POLR2F: variants seen among roughly 807,000 people sequenced by gnomAD.
POLR2F encodes the protein RNA polymerase II, I and III subunit F.
Under a neutral mutation model 22.7 loss-of-function variants are expected in POLR2F, and 12 were observed. That is an observed-to-expected ratio of 0.53 (90% CI 0.34 to 0.86). POLR2F has a LOEUF of 0.86. Ranked by LOEUF, POLR2F falls within the 40% of genes least tolerant of loss-of-function variation. POLR2F has a pLI of 0.02. For synonymous variants in POLR2F, 57 were observed against 66.0 expected, an observed-to-expected ratio of 0.86 and a Z score of 0.66; for missense variants, 126 against 171.5, an observed-to-expected ratio of 0.73 and a Z score of 1.48.
At chr22:37,986,190 GC>G (rs757750694), upstream of POLR2F, 21 of 1,542,666 alleles carry the variant, frequency 1.4e-5, no homozygotes, top group South Asian at 2.5e-4. This position sits in a 1 kb window ranked among gnomAD's most constrained non-coding sequence, Gnocchi z 4.7. Context: ...GAGAGGAGCC[GC>G]CCTGGATGGA....
At chr22:37,999,483 C>T (rs1167235843) in intron 1 of POLR2F, among the ~76,000 whole-genome samples, 2 of 152,100 alleles carry the variant, frequency 1.3e-5, no homozygotes, top group South Asian at 2.1e-4. Context: ...AAGGCCTTGG[C>T]GAGGCTCCAG....
chr22:37,979,683 G>A (rs2145771481), intron 4 of POLR2F, among the ~76,000 whole-genome samples: 2 of 152,228 alleles, frequency 1.3e-5, no homozygotes, highest in African/African-American at 4.8e-5. Context: ...TGAAGCCAGC[G>A]CCCTTGCCAC....
intron 1 of POLR2F, among the ~76,000 whole-genome samples, chr22:37,956,247 C>T (rs1158649009): frequency 6.6e-6 from 1 of 151,588 alleles, no homozygotes; most frequent in Admixed American, 6.6e-5. Context: ...GTGCCACCAC[C>T]ACTCCCGGCT....
chr22:37,956,003 A>G (rs1230609989), intron 1 of POLR2F, among the ~76,000 whole-genome samples: 1 of 151,882 alleles, frequency 6.6e-6, no homozygotes, highest in Non-Finnish European at 1.5e-5. Context: ...TATTAAGTAA[A>G]TATTTATTGA....
chr22:38,019,242 C>T (rs1012403766), intron 1 of POLR2F, among the ~76,000 whole-genome samples: 4 of 152,002 alleles, frequency 2.6e-5, no homozygotes, highest in African/African-American at 9.7e-5. Context: ...AGATGACACC[C>T]TCCACATCCC....
upstream of POLR2F, chr22:37,983,243 AAGG>A: frequency 8.0e-7 from 1 of 1,257,492 alleles, no homozygotes; most frequent in Non-Finnish European, 1.1e-6. The surrounding 1 kb of genome is among the most constrained non-coding windows in gnomAD (Gnocchi z 9.5). Context: ...AGCCCTATCC[AAGG>A]AGGACTGCCA....
chr22:38,037,439 ATTTTTT>A (rs10624395), intron 5 of POLR2F, among the ~76,000 whole-genome samples: 1 of 124,206 alleles, frequency 8.1e-6, no homozygotes, highest in Non-Finnish European at 1.6e-5. Flanking sequence ...ATGCTCGGCT[ATTTTTT>A]TTTTTTTTTT....
At position 37,968,998 on chromosome 22, in the gene POLR2F, G is replaced by A. The variant is rs777171484; in HGVS notation, c.*1283G>A. 62 of 985,334 alleles carry A rather than the reference G, an allele frequency of 6.3e-5. No individual in the cohort carries two copies. The highest frequency in any genetic ancestry group is 7.0e-5 in the Non-Finnish European group (58 of 829,946). 61.0% of individuals were successfully genotyped at this position (985,334 alleles called of 1,614,324 possible). ...GCTGAAATTTCAGCTCTGAAATGCC[G>A]CCTTTGTGCTGGCATCCAGGCAGCC... is the stretch of plus-strand genomic sequence containing the variant. On this transcript the variant is annotated 3_prime_UTR_variant, in exon 5 of 5. Transcript: ENST00000442738.
chr22:37,969,859 C>T (rs1931992468), downstream of POLR2F, among the ~76,000 whole-genome samples: 1 of 151,976 alleles, frequency 6.6e-6, no homozygotes, highest in Admixed American at 6.6e-5. Flanking sequence ...GTTACTGGTC[C>T]AGTAGGTTGA....
chr22:38,008,619 C>G (rs1443271550), intron 1 of POLR2F, among the ~76,000 whole-genome samples: 5 of 151,540 alleles, frequency 3.3e-5, no homozygotes, highest in African/African-American at 1.2e-4. Context: ...GGCCTGTACT[C>G]CCAGCACTTT....
At chr22:38,010,412 GAGAC>G (rs1213300429) in intron 1 of POLR2F, among the ~76,000 whole-genome samples, 1 of 151,504 alleles carries the variant, frequency 6.6e-6, no homozygotes, top group Non-Finnish European at 1.5e-5. Context: ...GAGAGAGAGA[GAGAC>G]AGAGAGAGAG....
rs10624395 is a variant in POLR2F at position 38,037,439 on chromosome 22, A to ATTTT, written c.453-3616_453-3613dup. 2.9e-4 allele frequency among the ~76,000 whole-genome samples: 36 copies of ATTTT among 124,178 alleles called. 2 individuals are homozygous for ATTTT. Among genetic ancestry groups the ATTTT allele is most frequent in the African/African-American group, 9.0e-4 (28 of 30,976 alleles). The allele number at this position is 124,178 out of a possible 152,430, so 81.5% of individuals were successfully genotyped here. A position where few individuals can be genotyped will look rare whatever the true frequency, so the allele number is the denominator to read the frequency against. ...CAGGTGCACACCACCATGCTCGGCT[A>ATTTT]TTTTTTTTTTTTTTTTGTAGAGATG... On this transcript the variant is annotated intron_variant, in intron 5 of 5. Transcript: ENST00000407936.
intron 1 of POLR2F, among the ~76,000 whole-genome samples, chr22:37,996,961 C>A (rs965984568): frequency 2.0e-5 from 3 of 152,130 alleles, no homozygotes; most frequent in African/African-American, 4.8e-5. Context: ...GAAACTCCCA[C>A]CCCTAGGGCA....
chr22:38,016,402 C>G lies in POLR2F; in HGVS notation c.121-9467C>G, dbSNP rs531842371. Among the ~76,000 whole-genome samples the G allele has an allele frequency of 6.6e-6, 1 of 152,356 alleles. No individual in the cohort carries two copies. Among genetic ancestry groups the G allele is most frequent in the East Asian group, 1.9e-4 (1 of 5,182 alleles). On this transcript the variant is annotated intron_variant, in intron 1 of 2. Transcript: ENST00000333418. This position sits in a 1 kb window ranked among gnomAD's most constrained non-coding sequence, Gnocchi z 4.4. ...ATGCTCCAGGAAGTGCTGCGCTTGA[C>G]ACACGCCCCCATCCGCCACCTCCCA... is the stretch of plus-strand genomic sequence containing the variant.
At chr22:38,011,089 A>G (rs2145809807) in intron 1 of POLR2F, among the ~76,000 whole-genome samples, 1 of 151,782 alleles carries the variant, frequency 6.6e-6, no homozygotes, top group Admixed American at 6.6e-5. Flanking sequence ...TATATTTAAC[A>G]TTTGGGGCTA....
rs953543719 is a variant in POLR2F at position 38,017,982 on chromosome 22, G to A, written c.121-7887G>A. ...GAGGCTATAATGTGGGCCCTATAAC[G>A]TGGCCATAAGGTGGAACGTTATCCA... is the stretch of plus-strand genomic sequence containing the variant. On this transcript the variant is annotated intron_variant, in intron 1 of 2. Transcript: ENST00000333418. This position sits in a 1 kb window ranked among gnomAD's most constrained non-coding sequence, Gnocchi z 4.1. 3.3e-5 allele frequency among the ~76,000 whole-genome samples: 5 copies of A among 152,202 alleles called. No homozygotes were observed. The highest frequency in any genetic ancestry group is 9.7e-5 in the African/African-American group (4 of 41,446).
At chr22:37,990,504 C>G (rs1450815102) in intron 1 of POLR2F, among the ~76,000 whole-genome samples, 2 of 152,278 alleles carry the variant, frequency 1.3e-5, no homozygotes, top group Non-Finnish European at 2.9e-5. Context: ...CTGAGCCTCT[C>G]CAGCTGCTGG....
intron 1 of POLR2F, among the ~76,000 whole-genome samples, chr22:37,991,577 AAC>A (rs1324162647): frequency 6.6e-6 from 1 of 152,170 alleles, no homozygotes; most frequent in Non-Finnish European, 1.5e-5. Context: ...ACCACCTATT[AAC>A]ATCTTGTAGA....
chr22:38,022,971 A>G (rs553086005), intron 1 of POLR2F, among the ~76,000 whole-genome samples: 33 of 152,342 alleles, frequency 2.2e-4, no homozygotes, highest in African/African-American at 7.5e-4. Context: ...AGATCGTGCC[A>G]TTGCACTCCA....
Sources: gnomAD v4.1 joint callset for allele counts (sites outside exome capture counted in the v4.1 genomes callset) on GRCh38, gnomAD v4.1.1 for gene constraint, Gnocchi (gnomAD v3.1) non-coding constraint, MANE v1.5 for transcripts, NCBI Gene and HGNC (gene_info 2026-07-23, HGNC 2026-07-21) for gene names.